PSME4: variants seen among roughly 807,000 people sequenced by gnomAD.
PSME4 encodes the protein proteasome activator subunit 4.
Under a neutral mutation model 253.9 loss-of-function variants are expected in PSME4, and 89 were observed. That is an observed-to-expected ratio of 0.35 (90% confidence interval 0.30 to 0.42). The LOEUF (loss-of-function observed/expected upper bound fraction) is 0.42. Ranked by LOEUF, PSME4 falls within the 10% of genes least tolerant of loss-of-function variation. The pLI is 1.00. For synonymous variants in PSME4, 851 were observed against 759.2 expected (o/e 1.12, Z -1.99); for missense variants, 2,014 against 2,195.2 (o/e 0.92, Z 1.65).
At chr2:53,898,505 A>T (rs1680243951) in intron 29 of PSME4, 151 bp from the exon 30 acceptor site, 1 of 598,212 alleles carries the variant, frequency 1.7e-6, no homozygotes, top group South Asian at 2.7e-5. Context: ...AGCAAGCCAG[A>T]ATGAAAGTAG....
At chr2:53,954,875 A>G (rs747656595) in intron 1 of PSME4, among the ~76,000 whole-genome samples, 3 of 151,896 alleles carry the variant, frequency 2.0e-5, no homozygotes, top group Non-Finnish European at 4.4e-5. Context: ...AATTCAGAAT[A>G]TCAAAGTCAA....
chr2:53,944,523 C>T (rs1209811151), intron 3 of PSME4, among the ~76,000 whole-genome samples: 1 of 152,020 alleles, frequency 6.6e-6, no homozygotes, highest in Non-Finnish European at 1.5e-5. Flanking sequence ...AGGATGTTCT[C>T]CAAATACTAC....
Position 53,869,396 on chromosome 2 carries a change from C to G in PSME4, c.5243G>C (p.Gly1748Ala). Residue 1748 changes from glycine (G) to alanine (A), a missense_variant, in exon 44 of 47, where the codon GGA becomes GCA. Coordinates refer to ENST00000404125, the MANE Select transcript of PSME4 (RefSeq NM_014614.3). ...GTTACCTGCAGAAGGAATGGTATCT[C>G]CTACAGAACCAGGGTCTCGCTTTCT... ...KKRKRDPGSV[G>A]DTIPSAELVK... is the part of the protein sequence containing the mutation. 3 of 1,609,820 alleles carry G rather than the reference C, an allele frequency of 1.9e-6. No homozygotes were observed. The highest frequency in any genetic ancestry group is 2.5e-6 in the Non-Finnish European group (3 of 1,177,018).
rs915572194 is a variant in PSME4 at position 53,960,419 on chromosome 2, C to G, written c.242+10124G>C. Among the ~76,000 whole-genome samples the G allele has an allele frequency of 2.7e-5, 4 of 146,440 alleles. No homozygotes were observed. The East Asian group carries it at 7.9e-4, about 29-fold the overall frequency. On this transcript the variant is annotated intron_variant, in intron 1 of 46. Transcript: ENST00000404125. The stretch of plus-strand genomic sequence containing the variant: ...ATCTCAAAAAAAAAAAAAAAAAAGG[C>G]ACAGGAGACAGCTCTAGCTAGAGGA...
rs561967001 is a variant in PSME4 at position 53,970,632 on chromosome 2, C to A, written c.153G>T (p.Gln51His). ...AERLDAESDL[Q>H]LAQIKCNLGR... The stretch of plus-strand genomic sequence containing the variant: ...CCAGGTTGCATTTGATCTGGGCCAG[C>A]TGCAAGTCGGACTCGGCGTCTAGCC... Residue 51 changes from glutamine to histidine, a missense_variant, in exon 1 of 47, where the codon CAG becomes CAT. Transcript: ENST00000404125. 6.5e-7 allele frequency: 1 copy of A among 1,550,124 alleles called. No individual in the cohort carries two copies. Among genetic ancestry groups the A allele is most frequent in the African/African-American group, 1.4e-5 (1 of 73,168 alleles).
At chr2:53,963,096 G>T (rs576725891) in intron 1 of PSME4, among the ~76,000 whole-genome samples, 3 of 152,082 alleles carry the variant, frequency 2.0e-5, no homozygotes, top group South Asian at 4.2e-4. Context: ...GGAGGCAAAG[G>T]TGGAGGATCA....
rs1381883378 is a variant in PSME4 at position 53,970,843 on chromosome 2, TCTCCGGGCTCCGCCTC to T, written c.-75_-60del. The T allele has an allele frequency of 9.4e-7, 1 of 1,060,026 alleles. No homozygotes were observed. The highest frequency in any genetic ancestry group is 7.1e-5 in the Admixed American group (1 of 14,144). 65.7% of individuals were successfully genotyped at this position (1,060,026 alleles called of 1,614,324 possible). On this transcript the variant is annotated 5_prime_UTR_variant, in exon 1 of 47. Transcript: ENST00000404125. Reference sequence around the variant, plus strand: ...CCGAACCCTCCCCGGCCCCCACCCCTCTCCGGGCTCCGCCTCCTCCGCGTCTTCGTCGCCCTGCGGC... The same window carrying T: ...CCGAACCCTCCCCGGCCCCCACCCCTCTCCGCGTCTTCGTCGCCCTGCGGC...
At chr2:53,911,595 C>T (rs905923514) in intron 20 of PSME4, among the ~76,000 whole-genome samples, 5 of 152,152 alleles carry the variant, frequency 3.3e-5, no homozygotes, top group East Asian at 3.9e-4. Context: ...ACCCTCCCCC[C>T]GCCCACTGTT....
intron 17 of PSME4, 149 bp downstream of exon 17, chr2:53,922,368 T>C (rs1668365643): frequency 5.5e-6 from 4 of 729,902 alleles, no homozygotes; most frequent in Non-Finnish European, 9.3e-6. Context: ...AATAAGAGTA[T>C]GACATATTCT....
Position 53,879,083 on chromosome 2 carries a change from C to T in PSME4, c.4816-3328G>A, listed in dbSNP as rs534141848. Among the ~76,000 whole-genome samples, 30 of 152,276 alleles carry T rather than the reference C, an allele frequency of 2.0e-4. No homozygotes were observed. The South Asian group carries it at 6.0e-3, about 31-fold the overall frequency. ...TCTTTTGTACTCTGTCCCTTTATTT[C>T]TCAGACCGGCCGACACTTAGGGAAA... On this transcript the variant is annotated intron_variant, in intron 41 of 46. Coordinates refer to ENST00000404125, the MANE Select transcript of PSME4 (RefSeq NM_014614.3).
Position 53,904,140 on chromosome 2 carries a change from T to G in PSME4, c.2960A>C (p.Gln987Pro). ...SSYSQVRNKA[Q>P]QTFFAALGAY... ...TCCCAAGGCAGCAAAAAATGTTTGC[T>G]GAGCCTTATTTCTCACCTGGAGGAA... The change falls in exon 27 of 47, where the codon CAG (glutamine) becomes CCG (proline). Residue 987 changes from glutamine (Q) to proline (P), a missense_variant. Physicochemically the swap from Gln to Pro is moderately conservative, Grantham distance 76. Around this residue, in one of 4 missense-constraint regions of PSME4, gnomAD observed 989 missense variants for 1,021.1 expected, o/e 0.97. Transcript: ENST00000404125. 1.2e-6 allele frequency: 2 copies of G among 1,611,900 alleles called. No homozygotes were observed. The highest frequency in any genetic ancestry group is 8.5e-7 in the Non-Finnish European group (1 of 1,178,440).
chr2:53,920,862 G>A lies in PSME4; in HGVS notation c.2262+27C>T, dbSNP rs1439079294. ...TAAAACAAAAAATCAACATATTCTT[G>A]AATCCTAAAGTACTGAAAATGCTTG... On this transcript the variant is annotated intron_variant, in intron 18 of 46. Transcript: ENST00000404125. 5 of 1,530,200 alleles carry A rather than the reference G, an allele frequency of 3.3e-6. No homozygotes were observed. In the African/African-American group the frequency reaches 5.5e-5, roughly 17 times the overall value. The allele number at this position is 1,530,200 out of a possible 1,614,324, so 94.8% of individuals were successfully genotyped here. A position where few individuals can be genotyped will look rare whatever the true frequency, so the allele number is the denominator to read the frequency against.
intron 20 of PSME4, 33 bp from the exon 21 acceptor site, chr2:53,910,163 A>G (rs762582050): frequency 4.6e-6 from 7 of 1,520,444 alleles, no homozygotes; most frequent in Admixed American, 1.7e-5. Context: ...GCATTTATTA[A>G]TAATACCAAT....
chr2:53,896,706 GA>G, intron 32 of PSME4, 97 bp downstream of exon 32: 1 of 883,972 alleles, frequency 1.1e-6, no homozygotes, highest in Non-Finnish European at 1.9e-6. Context: ...AATATCCATA[GA>G]ACAATATTTG....
chr2:53,927,789 A>C (rs1226256206), intron 11 of PSME4, among the ~76,000 whole-genome samples: 4 of 152,028 alleles, frequency 2.6e-5, no homozygotes, highest in Non-Finnish European at 4.4e-5. Flanking sequence ...TCTACTAAAA[A>C]TACGAAACCC....
chr2:53,934,522 A>T, intron 8 of PSME4, 83 bp downstream of exon 8: 1 of 1,398,258 alleles, frequency 7.2e-7, no homozygotes, highest in Non-Finnish European at 9.7e-7. Context: ...ACTATTATCA[A>T]CTTCTGCGAC....
intron 41 of PSME4, among the ~76,000 whole-genome samples, chr2:53,876,546 G>A (rs944638495): frequency 5.3e-5 from 8 of 151,678 alleles, no homozygotes; most frequent in African/African-American, 1.5e-4. Flanking sequence ...AGAGATTTGC[G>A]AAATGGTCAT....
intron 3 of PSME4, among the ~76,000 whole-genome samples, chr2:53,940,998 T>TATATATATATATATATATATATGA (rs1553338492): frequency 2.3e-5 from 2 of 85,908 alleles, no homozygotes; most frequent in Non-Finnish European, 4.9e-5. Flanking sequence ...TATATATATA[T>TATATATATATATATATATATATGA]ATGAAAGGAG....
chr2:53,887,056 G>A (rs1278804840), intron 40 of PSME4, among the ~76,000 whole-genome samples: 2 of 152,114 alleles, frequency 1.3e-5, no homozygotes, highest in Non-Finnish European at 2.9e-5. Context: ...ATGATGAAGA[G>A]GATTCTAGAG....
Sources: allele counts gnomAD v4.1 joint callset (sites outside exome capture counted in the v4.1 genomes callset), GRCh38; gene constraint gnomAD v4.1.1; regional missense constraint gnomAD v4.1.1; transcripts MANE v1.5; gene names NCBI Gene and HGNC (gene_info 2026-07-23, HGNC 2026-07-21).